NFIA: variants seen among roughly 807,000 people sequenced by gnomAD.
NFIA encodes the protein nuclear factor I A, also known as nuclear factor 1 A-type.
In NFIA, 8 loss-of-function variants were observed where a neutral mutation model predicts 62.8. The ratio of observed to expected loss-of-function variants is 0.13; its 90% CI spans 0.07 to 0.23. NFIA has a LOEUF of 0.23. NFIA is among the 10% of genes least tolerant of loss of function. NFIA has a pLI of 1.00. For synonymous variants in NFIA, 235 were observed against 238.1 expected, an observed-to-expected ratio of 0.99 and a Z score of 0.12; for missense variants, 410 against 642.1, an observed-to-expected ratio of 0.64 and a Z score of 3.91.
At chr1:61,366,598 A>C (rs1040246421) in intron 6 of NFIA, among the ~76,000 whole-genome samples, 1 of 152,188 alleles carries the variant, frequency 6.6e-6, no homozygotes, top group Non-Finnish European at 1.5e-5. Context: ...CTCTGCAAAG[A>C]GTAAGTTGTT....
intron 2 of NFIA, among the ~76,000 whole-genome samples, chr1:61,111,589 A>T (rs980585484): frequency 6.6e-6 from 1 of 152,142 alleles, no homozygotes; most frequent in Non-Finnish European, 1.5e-5. Context: ...TGTGCATTCT[A>T]TTAAATACTG....
Position 61,459,536 on chromosome 1 carries a change from C to CGCT in NFIA, c.*4216_*4217insGCT, listed in dbSNP as rs878884273. The CGCT allele has an allele frequency of 1.3e-5, 2 of 152,422 alleles. No individual in the cohort carries two copies. The highest frequency in any genetic ancestry group is 4.1e-4 in the South Asian group (2 of 4,828). 9.4% of individuals were successfully genotyped at this position (152,422 alleles called of 1,614,324 possible). A position where few individuals can be genotyped will look rare whatever the true frequency, so the allele number is the denominator to read the frequency against. On this transcript the variant is annotated 3_prime_UTR_variant, in exon 11 of 11. Coordinates refer to ENST00000403491, the MANE Select transcript of NFIA (RefSeq NM_001134673.4). ...CGTGTGGTCAGCCCGCTCCCCAGGC[C>CGCT]CGTCCCTGCCGCCGCCAGGTGTGGG...
At chr1:61,271,094 T>C (rs1349706873) in intron 2 of NFIA, among the ~76,000 whole-genome samples, 1 of 152,232 alleles carries the variant, frequency 6.6e-6, no homozygotes, top group African/African-American at 2.4e-5. Flanking sequence ...GAAGGTTTAA[T>C]GATTGAGTCA....
At chr1:61,277,835 C>T (rs769875240) in intron 3 of NFIA, among the ~76,000 whole-genome samples, 11 of 152,118 alleles carry the variant, frequency 7.2e-5, no homozygotes, top group East Asian at 1.9e-4. Context: ...TTCCCAAGAA[C>T]GTTGATTACC....
At chr1:61,250,289 C>T (rs1226628990) in intron 2 of NFIA, among the ~76,000 whole-genome samples, 4 of 152,140 alleles carry the variant, frequency 2.6e-5, no homozygotes, top group African/African-American at 7.2e-5. Context: ...GTAAGCATGG[C>T]GTCTCTGTAA....
chr1:61,292,373 G>A (rs1461737341), intron 3 of NFIA, among the ~76,000 whole-genome samples: 1 of 152,142 alleles, frequency 6.6e-6, no homozygotes, highest in Non-Finnish European at 1.5e-5. Context: ...AGGAGTTTAA[G>A]TCTTTTCAGG....
intron 5 of NFIA, among the ~76,000 whole-genome samples, chr1:61,353,027 G>A (rs1662637589): frequency 6.6e-6 from 1 of 152,056 alleles, no homozygotes; most frequent in South Asian, 2.1e-4. Context: ...CTGCAGCAAA[G>A]GGCATATGTT....
At chr1:61,178,284 T>C (rs1445253888) in intron 2 of NFIA, among the ~76,000 whole-genome samples, 3 of 152,200 alleles carry the variant, frequency 2.0e-5, no homozygotes, top group Admixed American at 2.0e-4. Flanking sequence ...GGCTAGAAGG[T>C]AAAGTAATAG....
chr1:61,204,121 G>T (rs1034150059), intron 2 of NFIA, among the ~76,000 whole-genome samples: 5 of 152,198 alleles, frequency 3.3e-5, no homozygotes, highest in Admixed American at 2.6e-4. Context: ...CTGGACGGGG[G>T]CCTTTCTGCA....
intron 3 of NFIA, among the ~76,000 whole-genome samples, chr1:61,325,108 A>G (rs77566842): frequency 2.8e-3 from 422 of 152,346 alleles, no homozygotes; most frequent in Middle Eastern, 6.8e-3. Context: ...ACTTAATGAA[A>G]GCACATGTTT....
At chr1:61,256,231 A>G (rs182251342) in intron 2 of NFIA, among the ~76,000 whole-genome samples, 140 of 152,094 alleles carry the variant, frequency 9.2e-4, no homozygotes, top group African/African-American at 3.1e-3. Context: ...TCAGGAGTTC[A>G]AGACCAGCCT....
chr1:61,108,391 C>T (rs1330827471), intron 2 of NFIA, among the ~76,000 whole-genome samples: 1 of 151,550 alleles, frequency 6.6e-6, no homozygotes, highest in Non-Finnish European at 1.5e-5. Flanking sequence ...TTGTTTTTAA[C>T]TCTAATTTCT....
intron 6 of NFIA, among the ~76,000 whole-genome samples, chr1:61,359,655 A>C (rs1296418300): frequency 1.3e-5 from 2 of 152,122 alleles, no homozygotes; most frequent in Non-Finnish European, 2.9e-5. Context: ...ATCTTGGCTC[A>C]CTGCAACCTC....
At chr1:61,441,582 ATTAT>A (rs1264093010) in intron 10 of NFIA, among the ~76,000 whole-genome samples, 3 of 152,164 alleles carry the variant, frequency 2.0e-5, no homozygotes, top group African/African-American at 2.4e-5. Flanking sequence ...TTAAATTGAA[ATTAT>A]TTAATTAGAA....
At chr1:61,447,429 T>C (rs1667860940) in intron 10 of NFIA, among the ~76,000 whole-genome samples, 1 of 152,230 alleles carries the variant, frequency 6.6e-6, no homozygotes, top group Admixed American at 6.5e-5. Flanking sequence ...TGTTGGACTT[T>C]GTGGAATCAA....
At chr1:61,159,967 C>G (rs556764658) in intron 2 of NFIA, among the ~76,000 whole-genome samples, 1 of 152,318 alleles carries the variant, frequency 6.6e-6, no homozygotes, top group African/African-American at 2.4e-5. Flanking sequence ...CAGGCGTGAG[C>G]CACCGCGCCC....
intron 10 of NFIA, among the ~76,000 whole-genome samples, chr1:61,428,518 G>A (rs1339167943): frequency 6.6e-6 from 1 of 151,364 alleles, no homozygotes; most frequent in African/African-American, 2.4e-5. Context: ...GAGAAACTAT[G>A]TTAATGGAGT....
chr1:61,101,603 G>A (rs921466931), intron 2 of NFIA, among the ~76,000 whole-genome samples: 13 of 152,140 alleles, frequency 8.5e-5, no homozygotes, highest in Non-Finnish European at 1.6e-4. Flanking sequence ...AGAGCAGGCG[G>A]TAGTGAATTC....
intron 2 of NFIA, among the ~76,000 whole-genome samples, chr1:61,204,830 G>A (rs770745415): frequency 6.6e-5 from 10 of 152,108 alleles, no homozygotes; most frequent in Non-Finnish European, 1.0e-4. Flanking sequence ...GCATTTTTCT[G>A]ACATATGCTG....
Sources: gnomAD v4.1 joint callset for allele counts (sites outside exome capture counted in the v4.1 genomes callset) on GRCh38, gnomAD v4.1.1 for gene constraint, MANE v1.5 for transcripts, NCBI Gene and HGNC (gene_info 2026-07-23, HGNC 2026-07-21) for gene names.